The following FSTL5 variants were observed in gnomAD, a reference collection of about 807,000 sequenced individuals.
FSTL5 encodes follistatin-related protein 5.
FSTL5 carries 62 observed loss-of-function variants against 89.1 expected under a neutral mutation model. The observed-to-expected ratio is 0.70, with a 90% CI of 0.57 to 0.86. The LOEUF (loss-of-function observed/expected upper bound fraction) is 0.86. FSTL5 is among the 40% of genes least tolerant of loss of function. The pLI is 0.00. For missense variants in FSTL5, 1,057 were observed against 1,001.6 expected (o/e 1.06, Z -0.75); for synonymous variants, 383 against 346.2 (o/e 1.11, Z -1.18).
At chr4:162,093,031 T>C (rs1192922744) in intron 2 of FSTL5, among the ~76,000 whole-genome samples, 5 of 150,186 alleles carry the variant, frequency 3.3e-5, no homozygotes, top group Non-Finnish European at 7.4e-5. Context: ...CTTATAAGCA[T>C]AGGGAATTGA....
chr4:162,113,116 G>A (rs1731511460), intron 1 of FSTL5, among the ~76,000 whole-genome samples: 1 of 151,824 alleles, frequency 6.6e-6, no homozygotes, highest in Non-Finnish European at 1.5e-5. Flanking sequence ...TATATATATT[G>A]CTTCACACCC....
At chr4:161,494,937 T>C (rs757119306) in intron 12 of FSTL5, among the ~76,000 whole-genome samples, 14 of 151,960 alleles carry the variant, frequency 9.2e-5, no homozygotes, top group Non-Finnish European at 2.1e-4. Context: ...TGGTGTGCAC[T>C]TGTAATTTCA....
intron 8 of FSTL5, among the ~76,000 whole-genome samples, chr4:161,558,999 C>A (rs1054756518): frequency 7.2e-5 from 11 of 152,022 alleles, no homozygotes; most frequent in Admixed American, 6.6e-4. Context: ...AACAGCCCTG[C>A]ACAAATCCAT....
chr4:161,433,193 C>A (rs1480846419), intron 15 of FSTL5, among the ~76,000 whole-genome samples: 2 of 150,364 alleles, frequency 1.3e-5, no homozygotes, highest in African/African-American at 4.9e-5. Flanking sequence ...TATGAGCAAA[C>A]TAAGTTCAAT....
chr4:161,732,597 G>A (rs1307947157), intron 6 of FSTL5, among the ~76,000 whole-genome samples: 1 of 151,894 alleles, frequency 6.6e-6, no homozygotes, highest in Non-Finnish European at 1.5e-5. Flanking sequence ...TGTATTCTAT[G>A]CTTTCTTTGA....
At chr4:161,402,967 G>C (rs779728684) in intron 15 of FSTL5, among the ~76,000 whole-genome samples, 3 of 151,814 alleles carry the variant, frequency 2.0e-5, no homozygotes, top group Non-Finnish European at 4.4e-5. Context: ...GACTACAGGT[G>C]CCTGCCACCA....
intron 3 of FSTL5, among the ~76,000 whole-genome samples, chr4:161,989,329 A>G (rs1055762818): frequency 3.9e-5 from 6 of 152,288 alleles, no homozygotes; most frequent in African/African-American, 1.2e-4. Context: ...TTGTATTCCC[A>G]GTAATCAATA....
chr4:162,085,527 ATG>A (rs1200247272), intron 2 of FSTL5, among the ~76,000 whole-genome samples: 1 of 140,316 alleles, frequency 7.1e-6, no homozygotes, highest in African/African-American at 2.6e-5. Flanking sequence ...GTGTGTATAC[ATG>A]TTTGCGTGTT....
chr4:162,097,017 A>C (rs2111372195), intron 2 of FSTL5, among the ~76,000 whole-genome samples: 1 of 152,060 alleles, frequency 6.6e-6, no homozygotes, highest in African/African-American at 2.4e-5. Flanking sequence ...TCTAAAATAC[A>C]AGATGATAAA....
intron 4 of FSTL5, among the ~76,000 whole-genome samples, chr4:161,801,499 C>T (rs571604411): frequency 6.6e-6 from 1 of 151,470 alleles, no homozygotes; most frequent in South Asian, 2.1e-4. Context: ...TGAGAGCCTT[C>T]TATTTTATCA....
intron 15 of FSTL5, among the ~76,000 whole-genome samples, chr4:161,399,516 C>T (rs188487395): frequency 6.6e-6 from 1 of 152,214 alleles, no homozygotes; most frequent in Non-Finnish European, 1.5e-5. Flanking sequence ...CAGGCAACCA[C>T]ATCTGTAGAC....
intron 1 of FSTL5, among the ~76,000 whole-genome samples, chr4:162,117,465 A>G (rs1225611739): frequency 6.6e-6 from 1 of 152,204 alleles, no homozygotes; most frequent in African/African-American, 2.4e-5. Context: ...TATGGGCTAG[A>G]GATACCTGTT....
At chr4:162,034,781 C>A (rs1424871628) in intron 2 of FSTL5, among the ~76,000 whole-genome samples, 2 of 152,070 alleles carry the variant, frequency 1.3e-5, no homozygotes, top group Non-Finnish European at 2.9e-5. Context: ...ACTGATTTTG[C>A]TGCAAAAATT....
At chr4:161,888,387 A>G (rs1732881777) in intron 4 of FSTL5, among the ~76,000 whole-genome samples, 1 of 152,172 alleles carries the variant, frequency 6.6e-6, no homozygotes, top group Non-Finnish European at 1.5e-5. Flanking sequence ...TCTGACTACA[A>G]CATAGAGCCC....
chr4:161,550,947 T>G (rs1446747219), intron 8 of FSTL5, among the ~76,000 whole-genome samples: 2 of 151,754 alleles, frequency 1.3e-5, no homozygotes, highest in Non-Finnish European at 2.9e-5. Context: ...TATTCCATGG[T>G]GTATATGTGC....
chr4:162,048,623 ACACG>A (rs1738281077), intron 2 of FSTL5, among the ~76,000 whole-genome samples: 2 of 138,558 alleles, frequency 1.4e-5, no homozygotes, highest in East Asian at 2.1e-4. Context: ...ACACACACAC[ACACG>A]AATGAGACAA....
intron 4 of FSTL5, among the ~76,000 whole-genome samples, chr4:161,815,830 C>T (rs1730308659): frequency 6.6e-6 from 1 of 152,046 alleles, no homozygotes; most frequent in South Asian, 2.1e-4. Flanking sequence ...TATTTATTGA[C>T]TTTGCTACAA....
chr4:161,461,150 T>C (rs1488423114), intron 13 of FSTL5, among the ~76,000 whole-genome samples: 1 of 151,732 alleles, frequency 6.6e-6, no homozygotes, highest in Non-Finnish European at 1.5e-5. Context: ...TTTGAGGCCA[T>C]GAAGCTATTA....
At chr4:161,836,198 G>A (rs928810949) in intron 4 of FSTL5, among the ~76,000 whole-genome samples, 38 of 149,530 alleles carry the variant, frequency 2.5e-4, no homozygotes, top group African/African-American at 4.4e-4. Flanking sequence ...GTAAACTATC[G>A]CAAGAACAAA....
Sources: gnomAD v4.1 joint callset for allele counts (sites outside exome capture counted in the v4.1 genomes callset) on GRCh38, gnomAD v4.1.1 for gene constraint, MANE v1.5 for transcripts, NCBI Gene and HGNC (gene_info 2026-07-23, HGNC 2026-07-21) for gene names.